PCDHA3: variants seen among roughly 807,000 people sequenced by gnomAD.
The protein encoded by PCDHA3 is protocadherin alpha-3.
PCDHA3 carries 41 observed loss-of-function variants against 62.2 expected under a neutral mutation model. The observed-to-expected ratio is 0.66, with a 90% CI of 0.51 to 0.86. PCDHA3 has a LOEUF of 0.86. Among genes scored for constraint, PCDHA3 ranks in the 40% least tolerant of loss-of-function variants. PCDHA3 has a pLI of 0.00. For missense variants in PCDHA3, 1,304 were observed against 1,241.2 expected (o/e 1.05, Z -0.76); for synonymous variants, 640 against 555.4 (o/e 1.15, Z -2.14).
intron 1 of PCDHA3, chr5:140,927,497 T>A: frequency 6.2e-7 from 1 of 1,614,094 alleles, no homozygotes; most frequent in Non-Finnish European, 8.5e-7. Flanking sequence ...CACCTGCTGG[T>A]GCTTACAGCT....
At chr5:140,883,483 C>T (rs1554178423) in intron 1 of PCDHA3, 2 of 1,614,078 alleles carry the variant, frequency 1.2e-6, no homozygotes, top group African/African-American at 2.7e-5. Flanking sequence ...AGAACTACTA[C>T]TCATTAGTGC....
intron 1 of PCDHA3, chr5:140,807,021 G>T: frequency 1.2e-6 from 1 of 820,400 alleles, no homozygotes; most frequent in Non-Finnish European, 1.9e-6. Flanking sequence ...ATACATGAGA[G>T]AAGGAGGAAG....
intron 1 of PCDHA3, among the ~76,000 whole-genome samples, chr5:140,957,730 T>G (rs1044691694): frequency 6.6e-6 from 1 of 152,144 alleles, no homozygotes; most frequent in Non-Finnish European, 1.5e-5. Flanking sequence ...AGCAGAATTA[T>G]ATATACTGAC....
chr5:140,897,289 C>T (rs1027792864), intron 1 of PCDHA3, among the ~76,000 whole-genome samples: 2 of 150,912 alleles, frequency 1.3e-5, no homozygotes, highest in Non-Finnish European at 3.0e-5. Flanking sequence ...CCCATTAACT[C>T]GTCATTTAGC....
chr5:140,981,779 A>G (rs1231046614), intron 2 of PCDHA3, among the ~76,000 whole-genome samples: 2 of 151,974 alleles, frequency 1.3e-5, no homozygotes, highest in Non-Finnish European at 2.9e-5. Flanking sequence ...ATACTGCACC[A>G]TGTTCTCTTT....
chr5:140,822,990 G>A (rs1224032407), intron 1 of PCDHA3: 8 of 1,614,066 alleles, frequency 5.0e-6, no homozygotes, highest in Admixed American at 1.7e-5. Flanking sequence ...ATTACTACTC[G>A]TTGGTGCTGG....
chr5:140,990,754 G>A (rs3822343), intron 3 of PCDHA3, among the ~76,000 whole-genome samples: 7,419 of 152,246 alleles, frequency 0.049, 237 homozygotes, highest in South Asian at 0.11. Flanking sequence ...GGATACCTTT[G>A]AGCCTGTAAA....
chr5:140,834,243 A>C (rs1260140058), intron 1 of PCDHA3: 4 of 837,910 alleles, frequency 4.8e-6, no homozygotes, highest in Non-Finnish European at 7.4e-6. Flanking sequence ...TCCTTTTCGC[A>C]CTGGAAAGAC....
At chr5:140,809,706 G>A in intron 1 of PCDHA3, 1 of 1,097,712 alleles carries the variant, frequency 9.1e-7, no homozygotes, top group Non-Finnish European at 1.3e-6. Flanking sequence ...TTTAACTAAA[G>A]TCTTTTGGAA....
At chr5:140,959,230 A>C (rs776449475) in intron 1 of PCDHA3, among the ~76,000 whole-genome samples, 13 of 152,092 alleles carry the variant, frequency 8.5e-5, no homozygotes, top group Non-Finnish European at 1.0e-4. Context: ...TACAAAAATT[A>C]TCTGGGCATG....
rs782680832 is a variant in PCDHA3 at position 140,801,867 on chromosome 5, G to T, written c.670G>T (p.Gly224Cys). ...TGATGGTGGGAAACCAGAGCTCACT[G>T]GCACGACTCAACTAAAGATCACTGT... ...AIDGGKPELT[G>C]TTQLKITVLD... Residue 224 changes from glycine (G) to cysteine (C), a missense_variant, in exon 1 of 4, where the codon GGC becomes TGC. Physicochemically the swap from Gly to Cys is radical, Grantham distance 159. Transcript: ENST00000522353. 1.5e-5 allele frequency: 25 copies of T among 1,613,978 alleles called. 2 individuals are homozygous for T. The South Asian group carries it at 2.7e-4, about 18-fold the overall frequency.
chr5:140,806,506 T>C (rs781804257), intron 1 of PCDHA3, among the ~76,000 whole-genome samples: 1 of 152,220 alleles, frequency 6.6e-6, no homozygotes, highest in Non-Finnish European at 1.5e-5. Context: ...AAGGAAGACA[T>C]CTAATTAAAT....
intron 3 of PCDHA3, among the ~76,000 whole-genome samples, chr5:140,995,493 G>T (rs1427672474): frequency 6.6e-6 from 1 of 152,148 alleles, no homozygotes; most frequent in Non-Finnish European, 1.5e-5. Flanking sequence ...TCAGACTAAG[G>T]TTGACTGTGG....
In PCDHA3 at chr5:140,845,055, G is replaced by T. The variant is rs2150376092; in HGVS notation, c.2394+41464G>T. 3.3e-5 allele frequency among the ~76,000 whole-genome samples: 5 copies of T among 149,320 alleles called. 1 individual carries two copies. The highest frequency in any genetic ancestry group is 6.0e-5 in the Non-Finnish European group (4 of 66,724). ...TTTTAGCCCCCTTGTCCAACTGAAG[G>T]TAACCTCAAAGCAGCATTGTTTTGT... On this transcript the variant is annotated intron_variant, in intron 1 of 3. Transcript: ENST00000522353.
At chr5:140,839,060 G>C (rs1253852063) in intron 1 of PCDHA3, among the ~76,000 whole-genome samples, 1 of 151,930 alleles carries the variant, frequency 6.6e-6, no homozygotes, top group Admixed American at 6.6e-5. Context: ...TAAGGATAGA[G>C]GTATGCAAAG....
At chr5:140,984,083 A>C (rs2097086103) in intron 3 of PCDHA3, among the ~76,000 whole-genome samples, 1 of 152,226 alleles carries the variant, frequency 6.6e-6, no homozygotes, top group South Asian at 2.1e-4. Context: ...GATGGAGTGA[A>C]GAAATGATGG....
At chr5:140,807,855 C>A in intron 1 of PCDHA3, 1 of 1,614,194 alleles carries the variant, frequency 6.2e-7, no homozygotes, top group Non-Finnish European at 8.5e-7. Context: ...CCCGAGTTGA[C>A]TGGCACCGTT....
chr5:140,858,371 C>G, intron 1 of PCDHA3: 1 of 1,588,766 alleles, frequency 6.3e-7, no homozygotes, highest in Non-Finnish European at 8.6e-7. Context: ...CCCCAGCCTT[C>G]CACCATGCCC....
chr5:140,821,626 A>G, intron 1 of PCDHA3: 2 of 917,604 alleles, frequency 2.2e-6, no homozygotes, highest in Non-Finnish European at 3.2e-6. Context: ...TTTTCCTTAG[A>G]CAGAAAGGAA....
Sources: allele counts gnomAD v4.1 joint callset (sites outside exome capture counted in the v4.1 genomes callset), GRCh38; gene constraint gnomAD v4.1.1; transcripts MANE v1.5; gene names NCBI Gene and HGNC (gene_info 2026-07-23, HGNC 2026-07-21).